Variants in SLC47A2 observed in about 807,000 individuals in gnomAD.
SLC47A2 encodes the protein multidrug and toxin extrusion protein 2.
In SLC47A2, 52 loss-of-function variants were observed where a neutral mutation model predicts 67.7. That is an observed-to-expected ratio of 0.77 (90% CI 0.61 to 0.97). The LOEUF (loss-of-function observed/expected upper bound fraction) is 0.97, where lower values mean the gene tolerates loss of function less well. SLC47A2 is among the 50% of genes least tolerant of loss of function. SLC47A2 has a pLI of 0.00. For synonymous variants in SLC47A2, 278 were observed against 292.9 expected (o/e 0.95, Z 0.52); for missense variants, 676 against 712.3 (o/e 0.95, Z 0.58).
chr17:19,695,756 T>C (rs1181190161), intron 13 of SLC47A2, among the ~76,000 whole-genome samples: 1 of 151,318 alleles, frequency 6.6e-6, no homozygotes, highest in African/African-American at 2.4e-5. Flanking sequence ...GGAGTTTCGC[T>C]CTTGTCATCT....
chr17:19,711,284 A>C (rs376765144), intron 5 of SLC47A2, among the ~76,000 whole-genome samples: 1 of 152,072 alleles, frequency 6.6e-6, no homozygotes, highest in African/African-American at 2.4e-5. Flanking sequence ...AAAATGTTCA[A>C]CTTCATTATC....
At chr17:19,700,653 T>G (rs1303358449) in intron 13 of SLC47A2, among the ~76,000 whole-genome samples, 1 of 151,592 alleles carries the variant, frequency 6.6e-6, no homozygotes, top group South Asian at 2.1e-4. Context: ...TAGTCCCAGC[T>G]ACTCAGGAGG....
chr17:19,715,417 C>G (rs1457648952), intron 1 of SLC47A2, among the ~76,000 whole-genome samples, 200 bp from the exon 2 acceptor site: 1 of 152,128 alleles, frequency 6.6e-6, no homozygotes. Flanking sequence ...CGCCTGGCCT[C>G]CACGTCCCTA....
At chr17:19,716,119 C>A (rs1373576707) in intron 1 of SLC47A2, 3 of 334,060 alleles carry the variant, frequency 9.0e-6, no homozygotes, top group Non-Finnish European at 1.6e-5. Context: ...AGGCTTCATG[C>A]ATCTCTGGGT....
At chr17:19,695,545 A>G (rs2085644283) in intron 13 of SLC47A2, among the ~76,000 whole-genome samples, 2 of 150,756 alleles carry the variant, frequency 1.3e-5, no homozygotes. Context: ...AATGTATACC[A>G]TAAATATATT....
Position 19,685,567 on chromosome 17 carries a change from C to T in SLC47A2, c.1165-3897G>A, listed in dbSNP as rs1035968881. Among the ~76,000 whole-genome samples, 6 of 152,194 alleles carry T rather than the reference C, an allele frequency of 3.9e-5. No homozygotes were observed. Among genetic ancestry groups the T allele is most frequent in the Non-Finnish European group, 5.9e-5 (4 of 68,048 alleles). The stretch of plus-strand genomic sequence containing the variant: ...AGGGTTAAATGGATTAAGGGCGGTG[C>T]AAGATGTGCTTTGTTAAACAGATGC... On this transcript the variant is annotated intron_variant, in intron 13 of 16. Coordinates refer to ENST00000433844, the MANE Select transcript of SLC47A2 (RefSeq NM_001099646.3). The surrounding 1 kb of genome is among the most constrained non-coding windows in gnomAD (Gnocchi z 4.5).
At position 19,708,331 on chromosome 17, in the gene SLC47A2, G is replaced by A; in HGVS notation, c.600C>T (p.Ala200=). ...GNCVNGVANY[A]LVSVLNLGVR... is the part of the protein sequence containing the mutation. ...CCCCCAGGTTCAGCACAGAAACCAG[G>A]GCATAGTTGGCCACACCGTTGACAC... Residue 200 remains alanine (A), a synonymous_variant, in exon 7 of 17, where the codon GCC becomes GCT. Coordinates refer to ENST00000433844, the MANE Select transcript of SLC47A2 (RefSeq NM_001099646.3). 2.5e-6 allele frequency: 4 copies of A among 1,613,402 alleles called. No homozygotes were observed. The highest frequency in any genetic ancestry group is 3.4e-6 in the Non-Finnish European group (4 of 1,180,004).
In SLC47A2 at chr17:19,679,941, G is replaced by A. The variant is rs762795316; in HGVS notation, c.1480+11C>T. 6.2e-7 allele frequency: 1 copy of A among 1,611,476 alleles called. No individual in the cohort carries two copies. Among genetic ancestry groups the A allele is most frequent in the Admixed American group, 1.7e-5 (1 of 59,530 alleles). On this transcript the variant is annotated intron_variant, in intron 16 of 16. Transcript: ENST00000433844. ...TGTGTACCAAAGTAGAAGCAGCGGT[G>A]ACAGTATTACCTGAAGATAGGACTG...
chr17:19,711,330 G>A (rs573219376), intron 5 of SLC47A2, among the ~76,000 whole-genome samples: 11 of 150,934 alleles, frequency 7.3e-5, no homozygotes, highest in African/African-American at 1.2e-4. Context: ...GGTGGCTCAC[G>A]CCTGTAATCC....
intron 13 of SLC47A2, among the ~76,000 whole-genome samples, chr17:19,687,613 G>T (rs930667694): frequency 6.6e-6 from 1 of 151,268 alleles, no homozygotes; most frequent in Non-Finnish European, 1.5e-5. Context: ...TTAGCCAGAT[G>T]AAGAAAAAAA....
chr17:19,704,969 GC>G, intron 10 of SLC47A2: 1 of 402,252 alleles, frequency 2.5e-6, no homozygotes, highest in Admixed American at 4.1e-5. Context: ...GGGACTACAG[GC>G]TTGTGCCACC....
rs752641181 is a variant in SLC47A2 at position 19,704,064 on chromosome 17, A to G, written c.1018+6T>C. 6.2e-7 allele frequency: 1 copy of G among 1,601,098 alleles called. No individual in the cohort carries two copies. The highest frequency in any genetic ancestry group is 8.5e-7 in the Non-Finnish European group (1 of 1,175,814). On this transcript the variant is annotated splice_donor_region_variant and intron_variant, in intron 11 of 16. Coordinates refer to ENST00000433844, the MANE Select transcript of SLC47A2 (RefSeq NM_001099646.3). ...TGAAGGCCCACCAGGAGAGGACTCC[A>G]CCTACCTATGCTGAGCACGCCCGAG...
chr17:19,686,397 G>A (rs2085429400), intron 13 of SLC47A2, among the ~76,000 whole-genome samples: 1 of 151,966 alleles, frequency 6.6e-6, no homozygotes, highest in Non-Finnish European at 1.5e-5. Flanking sequence ...AGGAAGAGAA[G>A]ACCACCAAAC....
chr17:19,681,323 C>T (rs1322960909), intron 15 of SLC47A2, 44 bp downstream of exon 15: 1 of 1,502,142 alleles, frequency 6.7e-7, no homozygotes, highest in Non-Finnish European at 9.0e-7. Flanking sequence ...CTGCTGGGGT[C>T]AGGTGCAGGG....
chr17:19,701,730 C>A (rs554626184), intron 13 of SLC47A2, among the ~76,000 whole-genome samples: 2 of 152,268 alleles, frequency 1.3e-5, no homozygotes, highest in South Asian at 4.1e-4. Flanking sequence ...CCTATTGTCC[C>A]AGCACTTTGG....
intron 5 of SLC47A2, among the ~76,000 whole-genome samples, chr17:19,712,248 G>A (rs758602462): frequency 3.3e-5 from 5 of 152,070 alleles, no homozygotes; most frequent in African/African-American, 7.2e-5. Context: ...TTAGCCAGGC[G>A]TGGTGGTGCA....
At position 19,678,819 on chromosome 17, in the gene SLC47A2, G is replaced by T. The variant is rs1273496466; in HGVS notation, c.1568C>A (p.Ala523Asp). The T allele has an allele frequency of 8.7e-6, 14 of 1,613,788 alleles. No homozygotes were observed. The highest frequency in any genetic ancestry group is 1.1e-5 in the Non-Finnish European group (13 of 1,179,930). ...GCTGGTAGGAGCTGAAAGGGCGTGGGCCTCCTCTGGAGTCCTGAAGAAGTC... is the reference window on the plus strand; with the variant it reads ...GCTGGTAGGAGCTGAAAGGGCGTGGTCCTCCTCTGGAGTCCTGAAGAAGTC... ...HVDFFRTPEE[A>D]HALSAPTSRL... The change falls in exon 17 of 17, where the codon GCC (alanine) becomes GAC (aspartate). Residue 523 changes from alanine (A) to aspartate (D), a missense_variant. Coordinates refer to ENST00000433844, the MANE Select transcript of SLC47A2 (RefSeq NM_001099646.3).
rs945822886 is a variant in SLC47A2, at chr17:19,704,006, C to T, written c.1018+64G>A. The T allele has an allele frequency of 2.8e-5, 36 of 1,308,226 alleles. No homozygotes were observed. In the East Asian group the frequency reaches 8.9e-4, roughly 32 times the overall value. 81.0% of individuals were successfully genotyped at this position (1,308,226 alleles called of 1,614,324 possible). ...CCCTGCCTCCAGCATGCCAGCCTTC[C>T]TGTGGCCCAGGCTGGTGACTCAGGC... is the stretch of plus-strand genomic sequence containing the variant. On this transcript the variant is annotated intron_variant, in intron 11 of 16. Coordinates refer to ENST00000433844, the MANE Select transcript of SLC47A2 (RefSeq NM_001099646.3).
chr17:19,701,416 T>C (rs2085784335), intron 13 of SLC47A2, among the ~76,000 whole-genome samples: 1 of 152,084 alleles, frequency 6.6e-6, no homozygotes, highest in Non-Finnish European at 1.5e-5. Context: ...CCTTTGGAAA[T>C]ATCCTCCATA....
Sources: gnomAD v4.1 joint callset for allele counts (sites outside exome capture counted in the v4.1 genomes callset) on GRCh38, gnomAD v4.1.1 for gene constraint, Gnocchi (gnomAD v3.1) non-coding constraint, MANE v1.5 for transcripts, NCBI Gene and HGNC (gene_info 2026-07-23, HGNC 2026-07-21) for gene names.